SHC2: variants seen among roughly 807,000 people sequenced by gnomAD.
SHC2 encodes SHC-transforming protein 2.
In SHC2, 62 loss-of-function variants were observed where a neutral mutation model predicts 60.6. The ratio of observed to expected loss-of-function variants is 1.02; its 90% CI spans 0.83 to 1.26. SHC2 has a LOEUF of 1.26. Among genes scored for constraint, SHC2 ranks in the 50% most tolerant of loss-of-function variants. The probability of loss-of-function intolerance (pLI) is 0.00; values close to 1 mark genes in which losing one functional copy is unlikely to be tolerated. For synonymous variants in SHC2, 375 were observed against 372.4 expected (o/e 1.01, Z -0.08); for missense variants, 873 against 822.2 (o/e 1.06, Z -0.76).
At chr19:421,124 C>A (rs528396302) in intron 11 of SHC2, among the ~76,000 whole-genome samples, 1 of 151,026 alleles carries the variant, frequency 6.6e-6, no homozygotes. Context: ...AAGGGCCGGG[C>A]GCAGTGGCTC....
Position 424,718 on chromosome 19 carries a change from T to G in SHC2, c.1309+379A>C, listed in dbSNP as rs889190510. Among the ~76,000 whole-genome samples the G allele has an allele frequency of 6.6e-6, 1 of 151,832 alleles. No individual in the cohort carries two copies. The highest frequency in any genetic ancestry group is 6.6e-5 in the Admixed American group (1 of 15,260). ...GGGTTACCCCCGAGAGAGTGGAGCT[T>G]CTCACAGAGCGGGGGCCAGCGGCAT... On this transcript the variant is annotated intron_variant, in intron 10 of 12. Coordinates refer to ENST00000264554, the MANE Select transcript of SHC2 (RefSeq NM_012435.3). This position sits in a 1 kb window ranked among gnomAD's most constrained non-coding sequence, Gnocchi z 4.5.
At chr19:437,822 C>G (rs937282735) in intron 4 of SHC2, among the ~76,000 whole-genome samples, 1 of 152,050 alleles carries the variant, frequency 6.6e-6, no homozygotes, top group African/African-American at 2.4e-5. Flanking sequence ...GCGATGCCTC[C>G]TCTTTCAGCC....
At chr19:448,940 T>G (rs11085050) in intron 1 of SHC2, among the ~76,000 whole-genome samples, 1 of 151,330 alleles carries the variant, frequency 6.6e-6, no homozygotes, top group Non-Finnish European at 1.5e-5. Context: ...ACGGCTTGAG[T>G]TCAGGAGTTC....
chr19:431,986 T>G (rs1394302360), intron 8 of SHC2, among the ~76,000 whole-genome samples: 1 of 9,762 alleles, frequency 1.0e-4, no homozygotes, highest in Non-Finnish European at 1.8e-4. Flanking sequence ...GAGTGAGAGA[T>G]AGAGGAGGCG....
Position 434,824 on chromosome 19 carries a change from T to G in SHC2, c.995A>C (p.Asp332Ala). The change falls in exon 8 of 13, where the codon GAC becomes GCC. Residue 332 changes from aspartate (D) to alanine (A), a missense_variant. Asp to Ala is a moderately radical substitution (Grantham distance 126, BLOSUM62 -2). Transcript: ENST00000264554. ...GTTGTAGTAATTGTGCTCCAAAGAG[T>G]CCTCCTCGTCCCCCCAGGCCGACTC... The part of the protein sequence containing the change: ...PEESAWGDEE[D>A]SLEHNYYNSI... 1 of 1,612,072 alleles carries G rather than the reference T, an allele frequency of 6.2e-7. No homozygotes were observed. The highest frequency in any genetic ancestry group is 8.5e-7 in the Non-Finnish European group (1 of 1,179,660).
chr19:461,008 C>A lies in SHC2; in HGVS notation c.-12G>T. The A allele has an allele frequency of 1.1e-6, 1 of 894,936 alleles. No homozygotes were observed. Among genetic ancestry groups the A allele is most frequent in the Non-Finnish European group, 1.3e-6 (1 of 747,292 alleles). 55.4% of individuals were successfully genotyped at this position (894,936 alleles called of 1,614,324 possible). On this transcript the variant is annotated 5_prime_UTR_variant, in exon 1 of 13. Transcript: ENST00000264554. ...GGACCCTGCGTCATGGCCGCGGCCGCCCGACGGAGCCCGACCGGGCGCTGC... is the reference window on the plus strand; with the variant it reads ...GGACCCTGCGTCATGGCCGCGGCCGACCGACGGAGCCCGACCGGGCGCTGC...
At position 444,046 on chromosome 19, in the gene SHC2, CGGAT is replaced by C. The variant is rs1163482629; in HGVS notation, c.469-3118_469-3115del. Among the ~76,000 whole-genome samples the C allele has an allele frequency of 1.5e-4, 11 of 74,936 alleles. No individual in the cohort carries two copies. In the East Asian group the frequency reaches 2.0e-3, roughly 13 times the overall value. 49.2% of individuals were successfully genotyped at this position (74,936 alleles called of 152,430 possible). A position where few individuals can be genotyped will look rare whatever the true frequency, so the allele number is the denominator to read the frequency against. On this transcript the variant is annotated intron_variant, in intron 1 of 12. Coordinates refer to ENST00000264554, the MANE Select transcript of SHC2 (RefSeq NM_012435.3). ...ATGTGTAGGTGGATGGGTGGATGGA[CGGAT>C]GGATGGATGGGTGGGTGGATGGGTG...
At chr19:451,396 G>C in intron 1 of SHC2, among the ~76,000 whole-genome samples, 1 of 152,154 alleles carries the variant, frequency 6.6e-6, no homozygotes, top group Admixed American at 6.5e-5. Context: ...TCGTATTTCA[G>C]CATGTGGATG....
Position 434,729 on chromosome 19 carries a change from C to T in SHC2, c.1090G>A (p.Ala364Thr), listed in dbSNP as rs747350066. ...CTGACCTGGTCGAGGGCCGTGAGGG[C>T]GCAGGGCTGTGTCAGGGCCAGCCTG... is the stretch of plus-strand genomic sequence containing the variant. ...DSRLALTQPCALTALDQGPSP... is the reference protein window; with the variant it reads ...DSRLALTQPCTLTALDQGPSP... Residue 364 changes from alanine to threonine, a missense_variant, in exon 8 of 13, where the codon GCC becomes ACC. Ala to Thr is a moderately conservative substitution (Grantham distance 58). Coordinates refer to ENST00000264554, the MANE Select transcript of SHC2 (RefSeq NM_012435.3). 3.1e-5 allele frequency: 50 copies of T among 1,611,530 alleles called. No homozygotes were observed. Among genetic ancestry groups the T allele is most frequent in the South Asian group, 4.4e-5 (4 of 90,966 alleles).
intron 9 of SHC2, among the ~76,000 whole-genome samples, chr19:426,937 C>T (rs1027367583): frequency 2.0e-5 from 3 of 151,962 alleles, no homozygotes; most frequent in Non-Finnish European, 4.4e-5. Context: ...GCTATGGGCA[C>T]ATTTGTAGGA....
At chr19:428,319 G>A (rs1000917448) in intron 9 of SHC2, among the ~76,000 whole-genome samples, 1 of 152,230 alleles carries the variant, frequency 6.6e-6, no homozygotes, top group Non-Finnish European at 1.5e-5. Flanking sequence ...CCCTCCCTGG[G>A]ACGCGTTTGT....
intron 9 of SHC2, among the ~76,000 whole-genome samples, chr19:428,167 G>A (rs1424610509): frequency 6.6e-6 from 1 of 152,262 alleles, no homozygotes; most frequent in African/African-American, 2.4e-5. Context: ...GGAGGCTTCC[G>A]TGAGCCATGA....
In SHC2 at chr19:422,885, C is replaced by A; in HGVS notation, c.1310-429G>T. 6.0e-6 allele frequency: 1 copy of A among 166,094 alleles called. No individual in the cohort carries two copies. The highest frequency in any genetic ancestry group is 1.3e-5 in the Non-Finnish European group (1 of 77,206). The allele number at this position is 166,094 out of a possible 1,614,324, so 10.3% of individuals were successfully genotyped here. A position where few individuals can be genotyped will look rare whatever the true frequency, so the allele number is the denominator to read the frequency against. On this transcript the variant is annotated intron_variant, in intron 10 of 12. Transcript: ENST00000264554. This position sits in a 1 kb window ranked among gnomAD's most constrained non-coding sequence, Gnocchi z 5.0. ...GCCGGCACCCCTCTCTTGCCCCTAG[C>A]GTTAAAATGTTCTGCCCTGGGTTTT...
rs1298486748 is a variant in SHC2, at chr19:439,349, C to T, written c.540-319G>A. The T allele has an allele frequency of 4.2e-5, 18 of 430,976 alleles. No homozygotes were observed. In the South Asian group the frequency reaches 5.0e-4, roughly 12 times the overall value. The allele number at this position is 430,976 out of a possible 1,614,324, so 26.7% of individuals were successfully genotyped here. A position where few individuals can be genotyped will look rare whatever the true frequency, so the allele number is the denominator to read the frequency against. ...CTCTGGCCCCTCTACCACCCTCTTT[C>T]CCAGGGACCAGTGTGTCCCTGGCCT... is the stretch of plus-strand genomic sequence containing the variant. On this transcript the variant is annotated intron_variant, in intron 2 of 12. Transcript: ENST00000264554.
Position 425,440 on chromosome 19 carries a change from CA to C in SHC2, c.1175-210del, listed in dbSNP as rs972604363. Among the ~76,000 whole-genome samples the C allele has an allele frequency of 6.6e-6, 1 of 152,226 alleles. No homozygotes were observed. The highest frequency in any genetic ancestry group is 2.4e-5 in the African/African-American group (1 of 41,464). On this transcript the variant is annotated intron_variant, in intron 9 of 12. Transcript: ENST00000264554. This position sits in a 1 kb window ranked among gnomAD's most constrained non-coding sequence, Gnocchi z 4.1. ...CAGCAGCAAAGCCCCGTCGGGGCTC[CA>C]ACCAGGGACAAGAGTGGGGCAGCGT...
chr19:417,354 CT>C (rs1974175990), intron 12 of SHC2, 32 bp from the exon 13 acceptor site: 2 of 152,462 alleles, frequency 1.3e-5, no homozygotes, highest in African/African-American at 4.8e-5. Flanking sequence ...GAGGTCAGGG[CT>C]GAGACGGTGG....
At chr19:442,497 G>A (rs1974900442) in intron 1 of SHC2, among the ~76,000 whole-genome samples, 3 of 115,042 alleles carry the variant, frequency 2.6e-5, no homozygotes, top group South Asian at 3.2e-4. Flanking sequence ...GTGGATGGAT[G>A]GATGGACGGA....
intron 9 of SHC2, among the ~76,000 whole-genome samples, 161 bp downstream of exon 9, chr19:430,523 C>A (rs1450184189): frequency 2.6e-5 from 4 of 152,216 alleles, no homozygotes; most frequent in African/African-American, 9.7e-5. Flanking sequence ...AAAACAGACA[C>A]TGATGATGAA....
At chr19:431,273 C>T (rs1477562393) in intron 8 of SHC2, among the ~76,000 whole-genome samples, 5 of 151,626 alleles carry the variant, frequency 3.3e-5, no homozygotes, top group Non-Finnish European at 5.9e-5. Flanking sequence ...AGATAGATGG[C>T]GCTTCATCGT....
Sources: allele counts gnomAD v4.1 joint callset (sites outside exome capture counted in the v4.1 genomes callset), GRCh38; gene constraint gnomAD v4.1.1; non-coding constraint Gnocchi (gnomAD v3.1); transcripts MANE v1.5; gene names NCBI Gene and HGNC (gene_info 2026-07-23, HGNC 2026-07-21).